The following RASAL1 variants were observed in gnomAD, a reference collection of about 807,000 sequenced individuals.
The protein encoded by RASAL1 is rasGAP-activating-like protein 1.
A neutral mutation model predicts 96.6 loss-of-function variants in RASAL1; 72 were observed. The ratio of observed to expected loss-of-function variants is 0.75; its 90% CI spans 0.62 to 0.91. RASAL1 has a LOEUF of 0.91. Among genes scored for constraint, RASAL1 ranks in the 40% least tolerant of loss-of-function variants. The probability of loss-of-function intolerance (pLI) is 0.00; values close to 1 mark genes in which losing one functional copy is unlikely to be tolerated. For synonymous variants in RASAL1, 405 were observed against 430.4 expected, an observed-to-expected ratio of 0.94 and a Z score of 0.73; for missense variants, 1,016 against 1,072.5, an observed-to-expected ratio of 0.95 and a Z score of 0.74.
chr12:113,108,303 A>G, intron 13 of RASAL1, 81 bp from the exon 14 acceptor site: 2 of 1,475,298 alleles, frequency 1.4e-6, no homozygotes, highest in South Asian at 1.4e-5. Flanking sequence ...AGGACTAGAA[A>G]TTCGTGGTGC....
chr12:113,119,096 C>T, intron 7 of RASAL1, 32 bp downstream of exon 7: 1 of 1,558,286 alleles, frequency 6.4e-7, no homozygotes, highest in Non-Finnish European at 8.7e-7. Context: ...CACTGGGGAG[C>T]CATGGAGGGT....
chr12:113,133,908 G>A (rs1387022800), intron 1 of RASAL1, among the ~76,000 whole-genome samples: 1 of 152,238 alleles, frequency 6.6e-6, no homozygotes, highest in African/African-American at 2.4e-5. Flanking sequence ...TTCTCCAGAA[G>A]AGCAGCAGGT....
chr12:113,126,663 C>G (rs1290865549), intron 4 of RASAL1, among the ~76,000 whole-genome samples: 1 of 150,574 alleles, frequency 6.6e-6, no homozygotes, highest in East Asian at 2.0e-4. Context: ...GCCTGGGTGA[C>G]AGAATGAGAC....
intron 20 of RASAL1, 102 bp from the exon 21 acceptor site, chr12:113,100,170 T>C (rs1054759164): frequency 2.3e-6 from 3 of 1,327,448 alleles, no homozygotes; most frequent in Admixed American, 2.7e-5. Flanking sequence ...CCTTGTGCCC[T>C]GAGAACCCTA....
Position 113,117,121 on chromosome 12 carries a change from T to G in RASAL1, c.683A>C (p.Lys228Thr), listed in dbSNP as rs779783782. Residue 228 changes from lysine (K) to threonine (T), a missense_variant, in exon 8 of 21, where the codon AAA becomes ACA. Physicochemically the swap from Lys to Thr is moderately conservative, Grantham distance 78 (BLOSUM62 -1). Coordinates refer to ENST00000548055, the MANE Select transcript of RASAL1 (RefSeq NM_001301202.2). ...SPKTLQQKPPKGWFRLLPFPR... is the reference protein window; with the variant it reads ...SPKTLQQKPPTGWFRLLPFPR... The stretch of plus-strand genomic sequence containing the variant: ...AAAGGGCAGGAGGCGGAACCAGCCT[T>G]TAGGTGGCTTCTGCTGGAGGGTCTT... 2.5e-6 allele frequency: 4 copies of G among 1,610,450 alleles called. No individual in the cohort carries two copies. The highest frequency in any genetic ancestry group is 3.4e-6 in the Non-Finnish European group (4 of 1,177,376).
chr12:113,126,727 C>CACACAA (rs1555246811), intron 4 of RASAL1, among the ~76,000 whole-genome samples: 1 of 149,316 alleles, frequency 6.7e-6, no homozygotes, highest in Non-Finnish European at 1.5e-5. Flanking sequence ...CACACACACA[C>CACACAA]AAAAGGCATA....
chr12:113,125,097 T>TAAA (rs34945890), intron 4 of RASAL1, among the ~76,000 whole-genome samples: 14 of 141,704 alleles, frequency 9.9e-5, no homozygotes, highest in African/African-American at 3.6e-4. Flanking sequence ...ACTTGTCTCT[T>TAAA]AAAAAAAAAA....
At chr12:113,104,446 T>G in intron 16 of RASAL1, 148 bp from the exon 17 acceptor site, 1 of 703,832 alleles carries the variant, frequency 1.4e-6, no homozygotes, top group Non-Finnish European at 2.3e-6. Context: ...TGCTCGTCCA[T>G]CCATCCATGT....
chr12:113,131,998 G>A (rs907881605), intron 1 of RASAL1, among the ~76,000 whole-genome samples: 1 of 133,964 alleles, frequency 7.5e-6, no homozygotes, highest in African/African-American at 2.8e-5. Flanking sequence ...TTGAGACAGA[G>A]TCTCACCGTA....
intron 18 of RASAL1, among the ~76,000 whole-genome samples, chr12:113,103,302 G>A (rs900536247): frequency 6.6e-6 from 1 of 150,482 alleles, no homozygotes; most frequent in Non-Finnish European, 1.5e-5. Flanking sequence ...TAATAACAAT[G>A]TATAACATTG....
chr12:113,111,779 A>G (rs1282085181), intron 13 of RASAL1, among the ~76,000 whole-genome samples: 1 of 151,962 alleles, frequency 6.6e-6, no homozygotes, highest in Admixed American at 6.6e-5. Context: ...TTTTTAGTAG[A>G]GACAGGGTTT....
chr12:113,115,545 C>T lies in RASAL1; in HGVS notation c.1003+90G>A. The T allele has an allele frequency of 6.7e-7, 1 of 1,497,730 alleles. No homozygotes were observed. The highest frequency in any genetic ancestry group is 1.4e-5 in the African/African-American group (1 of 72,174). The allele number at this position is 1,497,730 out of a possible 1,614,324, so 92.8% of individuals were successfully genotyped here. Reference sequence around the variant, plus strand: ...ACAGAAAAAGGAGCCCTTTTTCCCTCTGCCTGAGGCCTCCCCATTCCTCCC... The same window carrying T: ...ACAGAAAAAGGAGCCCTTTTTCCCTTTGCCTGAGGCCTCCCCATTCCTCCC... On this transcript the variant is annotated intron_variant, in intron 10 of 20. Coordinates refer to ENST00000548055, the MANE Select transcript of RASAL1 (RefSeq NM_001301202.2). The surrounding 1 kb of genome is among the most constrained non-coding windows in gnomAD (Gnocchi z 4.1).
At position 113,102,000 on chromosome 12, in the gene RASAL1, C is replaced by A; in HGVS notation, c.2114G>T (p.Cys705Phe). ...GGTGACAGCTGAGTGTGTACGGCTG[C>A]AGCCGGCGGCTGAGGGAACACAGCT... is the stretch of plus-strand genomic sequence containing the variant. ...CLQAERSAAG[C>F]SRTHSAVTLG... The change falls in exon 19 of 21, where the codon TGC becomes TTC. Residue 705 changes from cysteine (C) to phenylalanine (F), a missense_variant. By Grantham distance (205) the Cys-to-Phe change is radical. Transcript: ENST00000548055. 1.2e-6 allele frequency: 2 copies of A among 1,613,462 alleles called. No homozygotes were observed. The highest frequency in any genetic ancestry group is 1.7e-6 in the Non-Finnish European group (2 of 1,179,758).
chr12:113,114,894 G>T lies in RASAL1; in HGVS notation c.1087C>A (p.Leu363Met). 6.2e-7 allele frequency: 1 copy of T among 1,614,006 alleles called. No homozygotes were observed. The highest frequency in any genetic ancestry group is 8.5e-7 in the Non-Finnish European group (1 of 1,179,966). Reference protein sequence around the residue: ...QFMKLVGMPYLHEVLKPVISR... With the variant: ...QFMKLVGMPYMHEVLKPVISR... Reference sequence around the variant, plus strand: ...ATCACAGGCTTCAGGACCTCGTGCAGGTAGGGCATGCCCACGAGCTGGGGG... The same window carrying T: ...ATCACAGGCTTCAGGACCTCGTGCATGTAGGGCATGCCCACGAGCTGGGGG... The change falls in exon 12 of 21, where the codon CTG (leucine) becomes ATG (methionine). Residue 363 changes from leucine to methionine, a missense_variant. Leu to Met is a conservative substitution (Grantham distance 15). Coordinates refer to ENST00000548055, the MANE Select transcript of RASAL1 (RefSeq NM_001301202.2).
Position 113,133,229 on chromosome 12 carries a change from G to A in RASAL1, c.65+2169C>T, listed in dbSNP as rs139146871. Among the ~76,000 whole-genome samples, 19 of 152,332 alleles carry A rather than the reference G, an allele frequency of 1.2e-4. No homozygotes were observed. In the East Asian group the frequency reaches 3.5e-3, roughly 28 times the overall value. On this transcript the variant is annotated intron_variant, in intron 1 of 20. Coordinates refer to ENST00000548055, the MANE Select transcript of RASAL1 (RefSeq NM_001301202.2). The stretch of plus-strand genomic sequence containing the variant: ...ACTCCTATCAGGGAGGGCAACGGTG[G>A]CAAGAGGGGGTGGCTGCTTCCAGAC...
chr12:113,108,288 C>A, intron 13 of RASAL1, 66 bp from the exon 14 acceptor site: 1 of 1,513,464 alleles, frequency 6.6e-7, no homozygotes, highest in South Asian at 1.3e-5. Flanking sequence ...TAAACTGAGG[C>A]AGCAAGGACT....
chr12:113,132,649 G>A (rs1951767145), intron 1 of RASAL1, among the ~76,000 whole-genome samples: 1 of 152,160 alleles, frequency 6.6e-6, no homozygotes, highest in Non-Finnish European at 1.5e-5. Flanking sequence ...AGGAAAGAGG[G>A]ACATTGGCGC....
In RASAL1 at chr12:113,101,922, TAC is replaced by T. The variant is rs1468650329; in HGVS notation, c.2190_2191del (p.Tyr731SerfsTer19). 2.5e-6 allele frequency: 4 copies of T among 1,613,972 alleles called. No homozygotes were observed. Among genetic ancestry groups the T allele is most frequent in the African/African-American group, 1.3e-5 (1 of 74,946 alleles). On this transcript the variant is annotated frameshift_variant, in exon 19 of 21. Transcript: ENST00000548055. LOFTEE classifies it high-confidence loss of function. ...GTCCCGCCCCAGGAGCAGCTGCCGA[TAC>T]ACTGTCTGGGCCTCAGCATCAGGAT...
intron 16 of RASAL1, among the ~76,000 whole-genome samples, chr12:113,104,647 G>A (rs949831594): frequency 1.3e-5 from 2 of 152,012 alleles, no homozygotes; most frequent in Admixed American, 6.6e-5. Flanking sequence ...GATTACAGGC[G>A]TGCACCACCG....
Sources: gnomAD v4.1 joint callset for allele counts (sites outside exome capture counted in the v4.1 genomes callset) on GRCh38, gnomAD v4.1.1 for gene constraint, Gnocchi (gnomAD v3.1) non-coding constraint, MANE v1.5 for transcripts, NCBI Gene and HGNC (gene_info 2026-07-23, HGNC 2026-07-21) for gene names.